The following DOCK7 variants were observed in gnomAD, a reference collection of about 807,000 sequenced individuals.
DOCK7 encodes dedicator of cytokinesis protein 7.
Under a neutral mutation model 271.0 loss-of-function variants are expected in DOCK7, and 138 were observed. That is an observed-to-expected ratio of 0.51 (90% confidence interval 0.44 to 0.59). DOCK7 has a LOEUF of 0.59. Among genes scored for constraint, DOCK7 ranks in the 20% least tolerant of loss-of-function variants. The probability of loss-of-function intolerance (pLI) is 0.00; values close to 1 mark genes in which losing one functional copy is unlikely to be tolerated. For missense variants in DOCK7, 2,066 were observed against 2,592.4 expected, an observed-to-expected ratio of 0.80 and a Z score of 4.41; for synonymous variants, 823 against 876.1, an observed-to-expected ratio of 0.94 and a Z score of 1.07.
intron 9 of DOCK7, chr1:62,634,375 T>A (rs12138177): frequency 0.34 from 38,637 of 112,978 alleles, 5,969 homozygotes; most frequent in African/African-American, 0.55. Context: ...AATCTCAATG[T>A]TTTTTTTTTT....
Position 62,494,313 on chromosome 1 carries a change from C to A in DOCK7, c.5179G>T (p.Asp1727Tyr). The A allele has an allele frequency of 3.1e-6, 5 of 1,605,112 alleles. No homozygotes were observed. The highest frequency in any genetic ancestry group is 4.3e-6 in the Non-Finnish European group (5 of 1,173,282). Residue 1727 changes from aspartate (D) to tyrosine (Y), a missense_variant, in exon 40 of 50, where the codon GAC becomes TAC. Physicochemically the swap from Asp to Tyr is radical, Grantham distance 160 (BLOSUM62 -3). Transcript: ENST00000635253. ...CATCCCACAGGAAGATATTTCCGGT[C>A]CTCCAGCATGCTCAAATATTCAGCA... Reference protein sequence around the residue: ...LVAEYLSMLEDRKYLPVGCVT... With the variant: ...LVAEYLSMLEYRKYLPVGCVT...
Position 62,630,460 on chromosome 1 carries a change from G to A in DOCK7, c.1282+780C>T, listed in dbSNP as rs1019873436. On this transcript the variant is annotated intron_variant, in intron 11 of 49. Coordinates refer to ENST00000635253, the MANE Select transcript of DOCK7 (RefSeq NM_001367561.1). ...ACCAAAGTCAATAGGGGTCCCGCAC[G>A]ACAGGCAGGCACCTGTCCTGGACAG... Among the ~76,000 whole-genome samples, 105 of 152,164 alleles carry A rather than the reference G, an allele frequency of 6.9e-4. 1 individual carries two copies. Among genetic ancestry groups the A allele is most frequent in the African/African-American group, 2.4e-3 (99 of 41,518 alleles).
At chr1:62,592,420 G>A (rs746082829) in intron 14 of DOCK7, among the ~76,000 whole-genome samples, 2 of 152,000 alleles carry the variant, frequency 1.3e-5, no homozygotes, top group Non-Finnish European at 2.9e-5. Flanking sequence ...AGGTGAGAAA[G>A]GCATTTCTTA....
At chr1:62,521,952 T>C (rs1690767) in intron 31 of DOCK7, among the ~76,000 whole-genome samples, 6 of 152,118 alleles carry the variant, frequency 3.9e-5, no homozygotes, top group Non-Finnish European at 7.3e-5. Flanking sequence ...CTCCAGCCTG[T>C]GTGATACAGC....
chr1:62,605,113 T>C (rs1371767235), intron 14 of DOCK7: 2 of 252,578 alleles, frequency 7.9e-6, no homozygotes, highest in Non-Finnish European at 1.5e-5. Flanking sequence ...TAAATAACTT[T>C]TCTAAATAAA....
chr1:62,492,090 G>A (rs1646482745), intron 41 of DOCK7, among the ~76,000 whole-genome samples: 1 of 151,824 alleles, frequency 6.6e-6, no homozygotes, highest in Non-Finnish European at 1.5e-5. Context: ...GTGCCCCTGT[G>A]CCCCTGTATT....
intron 1 of DOCK7, among the ~76,000 whole-genome samples, chr1:62,678,765 T>C (rs1185194678): frequency 6.6e-6 from 1 of 152,072 alleles, no homozygotes; most frequent in East Asian, 1.9e-4. Flanking sequence ...TAAGATTATT[T>C]ATAATTTGTA....
chr1:62,650,718 A>G (rs1009802825), intron 4 of DOCK7, among the ~76,000 whole-genome samples: 10 of 152,354 alleles, frequency 6.6e-5, no homozygotes, highest in East Asian at 1.9e-4. Flanking sequence ...TGGCCATCAG[A>G]GAAATGCAAA....
intron 14 of DOCK7, chr1:62,604,046 G>T (rs139472531): frequency 6.2e-7 from 1 of 1,612,966 alleles, no homozygotes; most frequent in African/African-American, 1.3e-5. Flanking sequence ...TGAGTTGGAA[G>T]ACTGGAAAGA....
intron 22 of DOCK7, among the ~76,000 whole-genome samples, chr1:62,548,862 G>T (rs910727534): frequency 6.6e-6 from 1 of 152,226 alleles, no homozygotes; most frequent in Non-Finnish European, 1.5e-5. Context: ...TAGCAATGGA[G>T]ATGGAAAGAA....
intron 14 of DOCK7, among the ~76,000 whole-genome samples, chr1:62,595,144 T>G (rs1307399934): frequency 1.3e-5 from 2 of 152,190 alleles, no homozygotes; most frequent in Admixed American, 1.3e-4. Context: ...GATGTAATTC[T>G]TTAAAAAGGT....
In DOCK7 at chr1:62,544,937, T is replaced by G. The variant is rs919748754; in HGVS notation, c.2859+10A>C. On this transcript the variant is annotated intron_variant, in intron 23 of 49. Transcript: ENST00000635253. ...GCAGCCAATAAAGAAACCTCTAATA[T>G]AAACACCACCTGTGTTGATTCTGCA... 6.5e-7 allele frequency: 1 copy of G among 1,546,146 alleles called. No individual in the cohort carries two copies. Among genetic ancestry groups the G allele is most frequent in the African/African-American group, 1.4e-5 (1 of 72,850 alleles).
intron 43 of DOCK7, chr1:62,479,818 G>T: frequency 5.0e-6 from 1 of 200,622 alleles, no homozygotes; most frequent in Non-Finnish European, 1.1e-5. Context: ...TGAGTAGCTA[G>T]GACTACAGAA....
intron 47 of DOCK7, 29 bp downstream of exon 47, chr1:62,475,179 A>T (rs757722630): frequency 1.9e-6 from 3 of 1,592,546 alleles, no homozygotes; most frequent in South Asian, 1.1e-5. Context: ...TACAGCTTAA[A>T]TCACACAGTG....
At chr1:62,652,704 C>A (rs1236969819) in intron 4 of DOCK7, among the ~76,000 whole-genome samples, 1 of 152,134 alleles carries the variant, frequency 6.6e-6, no homozygotes, top group Non-Finnish European at 1.5e-5. Context: ...ATTAAGATTT[C>A]TGATTATAGG....
intron 18 of DOCK7, among the ~76,000 whole-genome samples, chr1:62,571,716 G>T (rs1386123440): frequency 6.6e-6 from 1 of 152,102 alleles, no homozygotes; most frequent in South Asian, 2.1e-4. Context: ...GGAATACTAC[G>T]CAGCAATAAA....
In DOCK7 at chr1:62,562,962, C is replaced by T. The variant is rs147555298; in HGVS notation, c.2113-1259G>A. On this transcript the variant is annotated intron_variant, in intron 18 of 49. Transcript: ENST00000635253. ...CTTAGCAGCCTGAAATGAGGTACCCCTCTCCCCAACTCATGCTACACACAT... is the reference window on the plus strand; with the variant it reads ...CTTAGCAGCCTGAAATGAGGTACCCTTCTCCCCAACTCATGCTACACACAT... Among the ~76,000 whole-genome samples the T allele has an allele frequency of 1.5e-3, 228 of 152,280 alleles. 6 individuals are homozygous for T. In the East Asian group the frequency reaches 0.037, roughly 25 times the overall value.
At chr1:62,601,308 A>G in intron 14 of DOCK7, 1 of 783,538 alleles carries the variant, frequency 1.3e-6, no homozygotes, top group Non-Finnish European at 2.2e-6. Context: ...AATACAATGT[A>G]TCAACCTAAA....
chr1:62,454,974 G>A lies in DOCK7; in HGVS notation c.*440C>T. ...AACCCTTTAATTGTTCTCTGCCATT[G>A]TCAATAATAAAAATTTTGAAGTCCC... On this transcript the variant is annotated 3_prime_UTR_variant, in exon 50 of 50. Coordinates refer to ENST00000635253, the MANE Select transcript of DOCK7 (RefSeq NM_001367561.1). The A allele has an allele frequency of 2.7e-6, 1 of 364,228 alleles. No homozygotes were observed. The highest frequency in any genetic ancestry group is 4.9e-6 in the Non-Finnish European group (1 of 204,524). The allele number at this position is 364,228 out of a possible 1,614,324, so 22.6% of individuals were successfully genotyped here.
Sources: allele counts gnomAD v4.1 joint callset (sites outside exome capture counted in the v4.1 genomes callset), GRCh38; gene constraint gnomAD v4.1.1; transcripts MANE v1.5; gene names NCBI Gene and HGNC (gene_info 2026-07-23, HGNC 2026-07-21).